The following RIPK2 variants were observed in gnomAD, a reference collection of about 807,000 sequenced individuals.
RIPK2 encodes receptor interacting serine/threonine kinase 2, also known as receptor-interacting serine/threonine-protein kinase 2.
A neutral mutation model predicts 60.9 loss-of-function variants in RIPK2; 38 were observed. The ratio of observed to expected loss-of-function variants is 0.62; its 90% CI spans 0.48 to 0.82. RIPK2 has a LOEUF of 0.82. RIPK2 is among the 40% of genes least tolerant of loss of function. The pLI is 0.00. For synonymous variants in RIPK2, 225 were observed against 223.4 expected, an observed-to-expected ratio of 1.01 and a Z score of -0.06; for missense variants, 518 against 647.0, an observed-to-expected ratio of 0.80 and a Z score of 2.16.
At chr8:89,779,339 G>T (rs1296022559) in intron 6 of RIPK2, among the ~76,000 whole-genome samples, 9 of 96,850 alleles carry the variant, frequency 9.3e-5, no homozygotes, top group Non-Finnish European at 1.7e-4. Flanking sequence ...TTTTGAGATG[G>T]AGTCTTGCTC....
At chr8:89,763,047 T>G in intron 2 of RIPK2, 65 bp downstream of exon 2, 1 of 1,066,666 alleles carries the variant, frequency 9.4e-7, no homozygotes, top group East Asian at 2.8e-5. Context: ...TATTTTACTT[T>G]GATTTTATAT....
Position 89,762,977 on chromosome 8 carries a change from C to T in RIPK2, c.322C>T (p.His108Tyr). 2 of 1,481,458 alleles carry T rather than the reference C, an allele frequency of 1.4e-6. No individual in the cohort carries two copies. The highest frequency in any genetic ancestry group is 1.8e-6 in the Non-Finnish European group (2 of 1,104,228). The allele number at this position is 1,481,458 out of a possible 1,614,324, so 91.8% of individuals were successfully genotyped here. A position where few individuals can be genotyped will look rare whatever the true frequency, so the allele number is the denominator to read the frequency against. ...MPNGSLNELL[H>Y]RKTEYPDVAW... ...AAATGGATCATTAAATGAACTCCTA[C>T]ATAGGGTAAGTATTACACAGTTTTA... The change falls in exon 2 of 11, where the codon CAT (histidine) becomes TAT (tyrosine). Residue 108 changes from histidine to tyrosine, a missense_variant. His to Tyr is a moderately conservative substitution (Grantham distance 83). This residue lies in a region of RIPK2 where 448 missense variants were observed against 534.7 expected (regional missense o/e 0.84). Transcript: ENST00000220751.
chr8:89,786,189 G>T (rs1179016549), intron 8 of RIPK2, among the ~76,000 whole-genome samples: 2 of 152,076 alleles, frequency 1.3e-5, no homozygotes, highest in African/African-American at 2.4e-5. Context: ...TAGTAGTTTT[G>T]TAGGTTGGGC....
intron 1 of RIPK2, among the ~76,000 whole-genome samples, chr8:89,758,891 A>G (rs1277573931): frequency 6.6e-6 from 1 of 152,174 alleles, no homozygotes; most frequent in Non-Finnish European, 1.5e-5. Context: ...TTTTTACTTT[A>G]TGTGGCCACG....
intron 2 of RIPK2, among the ~76,000 whole-genome samples, chr8:89,765,015 G>A (rs1809203474): frequency 1.3e-5 from 2 of 152,082 alleles, no homozygotes; most frequent in African/African-American, 4.8e-5. Context: ...GTGGGTGTAA[G>A]TATATGACTC....
At chr8:89,780,315 C>T (rs1809477337) in intron 7 of RIPK2, 155 bp downstream of exon 7, 1 of 407,890 alleles carries the variant, frequency 2.5e-6, no homozygotes, top group Non-Finnish European at 4.4e-6. Flanking sequence ...ACTATGAATA[C>T]TACTTTTCCT....
chr8:89,757,895 G>A lies in RIPK2; in HGVS notation c.-166G>A. 6 of 1,382,886 alleles carry A rather than the reference G, an allele frequency of 4.3e-6. No homozygotes were observed. The highest frequency in any genetic ancestry group is 3.7e-6 in the Non-Finnish European group (4 of 1,070,620). 85.7% of individuals were successfully genotyped at this position (1,382,886 alleles called of 1,614,324 possible). A position where few individuals can be genotyped will look rare whatever the true frequency, so the allele number is the denominator to read the frequency against. The stretch of plus-strand genomic sequence containing the variant: ...TTCGGAGAAGCAGCGGCTGGCGTGG[G>A]CCATCCGGGGAATGGGCGCCCTCGT... On this transcript the variant is annotated 5_prime_UTR_variant, in exon 1 of 11. Coordinates refer to ENST00000220751, the MANE Select transcript of RIPK2 (RefSeq NM_003821.6).
chr8:89,789,962 A>G (rs1272846417), intron 10 of RIPK2, 117 bp from the exon 11 acceptor site: 4 of 721,682 alleles, frequency 5.5e-6, no homozygotes, highest in Non-Finnish European at 6.5e-6. Context: ...GGTGTTCCAT[A>G]TTGGCACAAT....
At chr8:89,783,987 T>G (rs1809541787) in intron 7 of RIPK2, 63 bp from the exon 8 acceptor site, 1 of 878,592 alleles carries the variant, frequency 1.1e-6, no homozygotes, top group African/African-American at 1.7e-5. Context: ...GATTGTATTT[T>G]ACTTCTATAA....
At chr8:89,788,713 G>A (rs1371889672) in intron 9 of RIPK2, among the ~76,000 whole-genome samples, 1 of 152,096 alleles carries the variant, frequency 6.6e-6, no homozygotes, top group Admixed American at 6.5e-5. Context: ...AGAGGTGGAG[G>A]TTGCAGTGAG....
At chr8:89,760,139 T>C (rs535348504) in intron 1 of RIPK2, among the ~76,000 whole-genome samples, 2 of 152,214 alleles carry the variant, frequency 1.3e-5, no homozygotes, top group Non-Finnish European at 2.9e-5. Flanking sequence ...CTGGTGTCTC[T>C]TTCCTCACTT....
Position 89,787,025 on chromosome 8 carries a change from G to A in RIPK2, c.1123+339G>A, listed in dbSNP as rs551507047. 4.6e-5 allele frequency among the ~76,000 whole-genome samples: 7 copies of A among 152,056 alleles called. No individual in the cohort carries two copies. The East Asian group carries it at 7.8e-4, about 17-fold the overall frequency. ...TACTAAAAATACAAAAATTAGCCAG[G>A]CATGGTGGTGGGCACCTGTAGTCTC... is the stretch of plus-strand genomic sequence containing the variant. On this transcript the variant is annotated intron_variant, in intron 9 of 10. Transcript: ENST00000220751.
chr8:89,772,840 GT>G lies in RIPK2; in HGVS notation c.853+16del. On this transcript the variant is annotated intron_variant, in intron 6 of 10. Transcript: ENST00000220751. ...ACCATCTTTCTTAAGTGAGTATATA[GT>G]TTTAACCTAGACTCTTTGAATTACA... is the stretch of plus-strand genomic sequence containing the variant. 1 of 1,569,214 alleles carries G rather than the reference GT, an allele frequency of 6.4e-7. No individual in the cohort carries two copies.
intron 6 of RIPK2, among the ~76,000 whole-genome samples, 175 bp downstream of exon 6, chr8:89,773,003 A>C (rs1809339726): frequency 6.6e-6 from 1 of 152,174 alleles, no homozygotes; most frequent in South Asian, 2.1e-4. Flanking sequence ...AGCAGAATTG[A>C]GAATTCCTAA....
At chr8:89,784,750 A>C (rs1341456890) in intron 8 of RIPK2, among the ~76,000 whole-genome samples, 1 of 152,236 alleles carries the variant, frequency 6.6e-6, no homozygotes, top group Admixed American at 6.5e-5. Context: ...CGTTGCTATA[A>C]TGAAATACCT....
Position 89,769,758 on chromosome 8 carries a change from C to A in RIPK2, c.484-14C>A. The A allele has an allele frequency of 6.5e-7, 1 of 1,546,126 alleles. No individual in the cohort carries two copies. Among genetic ancestry groups the A allele is most frequent in the Non-Finnish European group, 8.7e-7 (1 of 1,149,988 alleles). On this transcript the variant is annotated splice_polypyrimidine_tract_variant and intron_variant, in intron 3 of 10. Coordinates refer to ENST00000220751, the MANE Select transcript of RIPK2 (RefSeq NM_003821.6). ...AGAGGAAATTTCTTAATTATTTGCT[C>A]TTGTCCCTTACAGATTGCAGATTTT...
At chr8:89,767,006 A>G (rs1809239789) in intron 3 of RIPK2, among the ~76,000 whole-genome samples, 1 of 151,796 alleles carries the variant, frequency 6.6e-6, no homozygotes. Flanking sequence ...TTTAATTTTG[A>G]TGAAGTCCAT....
intron 1 of RIPK2, among the ~76,000 whole-genome samples, chr8:89,761,374 T>A (rs373972992): frequency 0.19 from 28,040 of 150,566 alleles, 3,773 homozygotes; most frequent in African/African-American, 0.4. Context: ...CAATTCCTTT[T>A]CATTTTTTTT....
At chr8:89,761,781 G>C (rs1464750104) in intron 1 of RIPK2, among the ~76,000 whole-genome samples, 1 of 151,904 alleles carries the variant, frequency 6.6e-6, no homozygotes. Flanking sequence ...CAATCACTTA[G>C]TGACTGCTAA....
Sources: allele counts gnomAD v4.1 joint callset (sites outside exome capture counted in the v4.1 genomes callset), GRCh38; gene constraint gnomAD v4.1.1; regional missense constraint gnomAD v4.1.1; transcripts MANE v1.5; gene names NCBI Gene and HGNC (gene_info 2026-07-23, HGNC 2026-07-21).